Variants in ABCB1 observed in about 807,000 individuals in gnomAD.
ABCB1 encodes the protein ATP-dependent translocase ABCB1.
ABCB1 carries 69 observed loss-of-function variants against 142.0 expected under a neutral mutation model. That is an observed-to-expected ratio of 0.49 (90% confidence interval 0.40 to 0.59). ABCB1 has a LOEUF of 0.59. Ranked by LOEUF, ABCB1 falls within the 20% of genes least tolerant of loss-of-function variation. The pLI, the probability that ABCB1 is intolerant of heterozygous loss-of-function variation, is 0.00. For missense variants in ABCB1, 1,326 were observed against 1,554.7 expected, an observed-to-expected ratio of 0.85 and a Z score of 2.47; for synonymous variants, 532 against 539.2, an observed-to-expected ratio of 0.99 and a Z score of 0.18.
At chr7:87,564,377 G>A (rs999090095) in intron 7 of ABCB1, among the ~76,000 whole-genome samples, 2 of 151,994 alleles carry the variant, frequency 1.3e-5, no homozygotes, top group East Asian at 3.9e-4. Flanking sequence ...GCTGCTTGAG[G>A]GAGTGAAAGT....
rs187967082 is a variant in ABCB1 at position 87,594,750 on chromosome 7, A to T, written c.117+1016T>A. ...TGGCAAGAGCAATGGTAGCACAGAG[A>T]AACGAAGATCACATAAGGGAACCAT... On this transcript the variant is annotated intron_variant, in intron 3 of 27. Transcript: ENST00000622132. Among the ~76,000 whole-genome samples the T allele has an allele frequency of 4.2e-3, 637 of 152,338 alleles. 8 individuals are homozygous for T. The highest frequency in any genetic ancestry group is 5.4e-3 in the Non-Finnish European group (365 of 68,016).
intron 21 of ABCB1, among the ~76,000 whole-genome samples, chr7:87,526,941 A>G (rs1815808586): frequency 6.6e-6 from 1 of 152,132 alleles, no homozygotes; most frequent in South Asian, 2.1e-4. Context: ...TCTGACATAA[A>G]TCCTTGGACT....
chr7:87,615,758 G>C (rs1045706735), intron 1 of ABCB1, among the ~76,000 whole-genome samples: 6 of 152,294 alleles, frequency 3.9e-5, no homozygotes, highest in Middle Eastern at 3.4e-3. Context: ...AATAAGAAGT[G>C]ATCAAAGGAG....
chr7:87,704,195 A>G (rs1361255400), intron 1 of ABCB1, among the ~76,000 whole-genome samples: 1 of 152,056 alleles, frequency 6.6e-6, no homozygotes, highest in Non-Finnish European at 1.5e-5. Flanking sequence ...TGCTGGGATT[A>G]TAGGCATGAG....
intron 7 of ABCB1, among the ~76,000 whole-genome samples, chr7:87,562,051 T>C (rs1817581023): frequency 6.6e-6 from 1 of 152,194 alleles, no homozygotes; most frequent in Non-Finnish European, 1.5e-5. Context: ...AATAGAATTA[T>C]ATTCTTTCAA....
rs537997383 is a variant in ABCB1, at chr7:87,600,210, C to T, written c.-6-20G>A. 5.0e-6 allele frequency: 8 copies of T among 1,609,452 alleles called. No individual in the cohort carries two copies. The highest frequency in any genetic ancestry group is 4.4e-5 in the South Asian group (4 of 90,832). On this transcript the variant is annotated intron_variant, in intron 1 of 27. Transcript: ENST00000622132. ...TCCGACCTGAAGAGAAACCGCAGCTCATTAGCCAAATGCATGAGCCTCAGG... is the reference window on the plus strand; with the variant it reads ...TCCGACCTGAAGAGAAACCGCAGCTTATTAGCCAAATGCATGAGCCTCAGG...
intron 21 of ABCB1, among the ~76,000 whole-genome samples, chr7:87,530,034 A>C (rs1205872511): frequency 6.6e-6 from 1 of 152,222 alleles, no homozygotes; most frequent in Non-Finnish European, 1.5e-5. Flanking sequence ...GGAACCCCCC[A>C]AAAATGGGAT....
intron 1 of ABCB1, among the ~76,000 whole-genome samples, chr7:87,707,825 G>T (rs987689358): frequency 2.0e-5 from 3 of 152,106 alleles, no homozygotes; most frequent in Non-Finnish European, 4.4e-5. Context: ...ATTGTGTAAA[G>T]TATGTTCTCT....
At chr7:87,670,194 TCTGA>T (rs1319484126) in intron 1 of ABCB1, among the ~76,000 whole-genome samples, 1 of 152,378 alleles carries the variant, frequency 6.6e-6, no homozygotes, top group Middle Eastern at 3.4e-3. Flanking sequence ...ATTATTTTCA[TCTGA>T]CTTTCTTATT....
intron 4 of ABCB1, among the ~76,000 whole-genome samples, chr7:87,580,982 TA>T (rs1328359676): frequency 1.3e-5 from 2 of 152,076 alleles, no homozygotes; most frequent in African/African-American, 4.8e-5. Context: ...ACCTGGTTTT[TA>T]GTTCTTATGA....
At chr7:87,562,503 A>G (rs1186482051) in intron 7 of ABCB1, among the ~76,000 whole-genome samples, 2 of 152,186 alleles carry the variant, frequency 1.3e-5, no homozygotes, top group African/African-American at 4.8e-5. Context: ...CTGAAACCTC[A>G]TGGTGCCACA....
At chr7:87,564,224 C>T (rs1817695086) in intron 7 of ABCB1, 2 of 410,342 alleles carry the variant, frequency 4.9e-6, no homozygotes, top group Non-Finnish European at 9.6e-6. Context: ...GCAGTTGTTC[C>T]ATTGAAGTTT....
intron 1 of ABCB1, among the ~76,000 whole-genome samples, chr7:87,600,399 C>T (rs889708149): frequency 3.9e-5 from 6 of 152,204 alleles, no homozygotes; most frequent in Non-Finnish European, 8.8e-5. Flanking sequence ...AGTTGGGGGT[C>T]TGGCAGCGCG....
intron 16 of ABCB1, 80 bp downstream of exon 16, chr7:87,544,743 C>T (rs907083092): frequency 9.9e-6 from 14 of 1,419,338 alleles, no homozygotes; most frequent in Non-Finnish European, 1.4e-5. Flanking sequence ...CTTGTTCCCA[C>T]TCCTACTGTA....
intron 1 of ABCB1, among the ~76,000 whole-genome samples, chr7:87,690,838 A>G (rs1427026003): frequency 6.6e-6 from 1 of 152,178 alleles, no homozygotes; most frequent in Admixed American, 6.5e-5. Flanking sequence ...TAATCCATTT[A>G]CAGACCATTT....
chr7:87,643,957 C>A (rs543528126), intron 1 of ABCB1, among the ~76,000 whole-genome samples: 109 of 152,312 alleles, frequency 7.2e-4, no homozygotes, highest in Non-Finnish European at 1.2e-3. Context: ...CTCCCAGGTT[C>A]AAGTGATTCG....
At chr7:87,597,937 T>C (rs1463486555) in intron 2 of ABCB1, among the ~76,000 whole-genome samples, 1 of 152,210 alleles carries the variant, frequency 6.6e-6, no homozygotes, top group Non-Finnish European at 1.5e-5. Context: ...TATATCTCTT[T>C]AGTCTCTATT....
At chr7:87,584,207 T>C (rs1039268184) in intron 4 of ABCB1, among the ~76,000 whole-genome samples, 4 of 152,186 alleles carry the variant, frequency 2.6e-5, no homozygotes, top group Non-Finnish European at 5.9e-5. Context: ...ATGTACTTTT[T>C]AGGGTCATGA....
In ABCB1 at chr7:87,508,242, T is replaced by C. The variant is rs181966625; in HGVS notation, c.3489+1033A>G. 1.4e-4 allele frequency among the ~76,000 whole-genome samples: 22 copies of C among 152,340 alleles called. No individual in the cohort carries two copies. The East Asian group carries it at 1.9e-3, about 13-fold the overall frequency. On this transcript the variant is annotated intron_variant, in intron 26 of 27. Transcript: ENST00000622132. Reference sequence around the variant, plus strand: ...TGAAACTTTTTGAGCACCAACATGATGCCACAAGTGGAAAATTTCACACAT... The same window carrying C: ...TGAAACTTTTTGAGCACCAACATGACGCCACAAGTGGAAAATTTCACACAT...
Sources: allele counts gnomAD v4.1 joint callset (sites outside exome capture counted in the v4.1 genomes callset), GRCh38; gene constraint gnomAD v4.1.1; transcripts MANE v1.5; gene names NCBI Gene and HGNC (gene_info 2026-07-23, HGNC 2026-07-21).